Variants in FNBP1 observed in about 807,000 individuals in gnomAD.
FNBP1 encodes the protein formin-binding protein 1.
FNBP1 carries 26 observed loss-of-function variants against 90.6 expected under a neutral mutation model. The ratio of observed to expected loss-of-function variants is 0.29; its 90% confidence interval spans 0.21 to 0.40. FNBP1 has a LOEUF of 0.40. Ranked by LOEUF, FNBP1 falls within the 10% of genes least tolerant of loss-of-function variation. FNBP1 has a pLI of 1.00. For missense variants in FNBP1, 635 were observed against 768.0 expected (o/e 0.83, Z 2.05); for synonymous variants, 260 against 265.2 (o/e 0.98, Z 0.19).
intron 1 of FNBP1, among the ~76,000 whole-genome samples, chr9:130,001,896 T>A (rs2054903821): frequency 6.6e-6 from 1 of 151,674 alleles, no homozygotes; most frequent in South Asian, 2.1e-4. Context: ...GGCATGATGG[T>A]GGGCGCCTGT....
At chr9:129,925,718 C>T (rs1327359826) in intron 8 of FNBP1, among the ~76,000 whole-genome samples, 2 of 147,470 alleles carry the variant, frequency 1.4e-5, no homozygotes, top group South Asian at 2.3e-4. Context: ...CTCAGCCTCC[C>T]GAGTAGCTGG....
intron 6 of FNBP1, among the ~76,000 whole-genome samples, chr9:129,943,266 C>A (rs1298036738): frequency 1.3e-5 from 2 of 152,102 alleles, no homozygotes; most frequent in African/African-American, 2.4e-5. Flanking sequence ...CTGCTGAGCT[C>A]CTAGTGTTTT....
intron 6 of FNBP1, among the ~76,000 whole-genome samples, chr9:129,948,794 G>A (rs2045741317): frequency 6.6e-6 from 1 of 152,112 alleles, no homozygotes; most frequent in African/African-American, 2.4e-5. Context: ...GCCAGCCTCA[G>A]CCTCTCAAAG....
chr9:129,957,833 G>A lies in FNBP1; in HGVS notation c.409-369C>T, dbSNP rs937610207. Among the ~76,000 whole-genome samples the A allele has an allele frequency of 3.3e-5, 5 of 152,304 alleles. No individual in the cohort carries two copies. The highest frequency in any genetic ancestry group is 3.9e-4 in the East Asian group (2 of 5,180). On this transcript the variant is annotated intron_variant, in intron 5 of 16. Coordinates refer to ENST00000446176, the MANE Select transcript of FNBP1 (RefSeq NM_015033.3). This position sits in a 1 kb window ranked among gnomAD's most constrained non-coding sequence, Gnocchi z 4.3. ...CTCCCAAATTGCTGGGATTACAGGCGTGAGCCAATGTGTCTGGCCCAAGAA... is the reference window on the plus strand; with the variant it reads ...CTCCCAAATTGCTGGGATTACAGGCATGAGCCAATGTGTCTGGCCCAAGAA...
chr9:129,958,674 A>G (rs2047312813), intron 4 of FNBP1, 121 bp from the exon 5 acceptor site: 2 of 753,964 alleles, frequency 2.7e-6, no homozygotes, highest in East Asian at 2.9e-5. Flanking sequence ...GTATGCTCCA[A>G]AGAAATTTAA....
intron 7 of FNBP1, among the ~76,000 whole-genome samples, chr9:129,928,012 TA>T (rs1300216317): frequency 6.6e-6 from 1 of 150,586 alleles, no homozygotes; most frequent in Non-Finnish European, 1.5e-5. Context: ...AAAAGCACAG[TA>T]TTTAATTAAC....
At chr9:130,024,174 C>T (rs1589331942) in intron 1 of FNBP1, among the ~76,000 whole-genome samples, 1 of 152,228 alleles carries the variant, frequency 6.6e-6, no homozygotes, top group East Asian at 1.9e-4. Context: ...CTTTGGGAGG[C>T]TGAGGCAGGA....
At chr9:129,967,822 G>A (rs1380399068) in intron 4 of FNBP1, among the ~76,000 whole-genome samples, 1 of 152,150 alleles carries the variant, frequency 6.6e-6, no homozygotes, top group Non-Finnish European at 1.5e-5. Context: ...AAGAATTTGA[G>A]TGTCCTGTTT....
intron 10 of FNBP1, among the ~76,000 whole-genome samples, chr9:129,921,268 AC>A (rs2041040061): frequency 1.3e-5 from 2 of 149,448 alleles, no homozygotes; most frequent in South Asian, 4.2e-4. Context: ...TACATTCTTT[AC>A]TTTTTTTTTT....
chr9:129,903,897 C>T (rs140587882), intron 12 of FNBP1, among the ~76,000 whole-genome samples: 8 of 152,164 alleles, frequency 5.3e-5, no homozygotes, highest in African/African-American at 1.9e-4. Context: ...ATTAGCCAGG[C>T]GTGATGGCAT....
At chr9:130,044,189 G>T (rs938489824), upstream of FNBP1, among the ~76,000 whole-genome samples, 4 of 152,164 alleles carry the variant, frequency 2.6e-5, no homozygotes, top group Admixed American at 2.6e-4. Flanking sequence ...TTTCTCCCTC[G>T]GTTAATGCTA....
At chr9:129,978,176 A>C (rs1038501944) in intron 4 of FNBP1, among the ~76,000 whole-genome samples, 5 of 151,928 alleles carry the variant, frequency 3.3e-5, no homozygotes, top group Admixed American at 6.6e-5. Flanking sequence ...ACATGCCACC[A>C]CGCCTGGCTA....
the FNBP1 span, chr9:130,053,743 C>G: frequency 8.3e-6 from 5 of 601,652 alleles, no homozygotes; most frequent in African/African-American, 7.6e-5. Context: ...ACAGGAGCGG[C>G]CGATCGAAGG....
At position 129,908,870 on chromosome 9, in the gene FNBP1, G is replaced by T; in HGVS notation, c.1295+20C>A. The T allele has an allele frequency of 6.6e-7, 1 of 1,514,906 alleles. No homozygotes were observed. Among genetic ancestry groups the T allele is most frequent in the Non-Finnish European group, 9.1e-7 (1 of 1,094,606 alleles). The allele number at this position is 1,514,906 out of a possible 1,614,324, so 93.8% of individuals were successfully genotyped here. A position where few individuals can be genotyped will look rare whatever the true frequency, so the allele number is the denominator to read the frequency against. ...CGCCTGGCCTTGAATTTCTTAATAA[G>T]TCATATTGATGCACTATACCTTTGA... On this transcript the variant is annotated intron_variant, in intron 12 of 16. Transcript: ENST00000446176.
intron 6 of FNBP1, among the ~76,000 whole-genome samples, chr9:129,941,252 G>A (rs1270627480): frequency 6.6e-6 from 1 of 152,126 alleles, no homozygotes; most frequent in African/African-American, 2.4e-5. Context: ...AGCCGTGCAT[G>A]GTGGCCCACG....
intron 6 of FNBP1, among the ~76,000 whole-genome samples, chr9:129,935,692 T>C (rs566325612): frequency 6.6e-6 from 1 of 152,246 alleles, no homozygotes; most frequent in East Asian, 1.9e-4. Flanking sequence ...TTTCACCTTG[T>C]TAGCCAGGAT....
At chr9:130,040,626 GAAA>G (rs3055737) in intron 1 of FNBP1, among the ~76,000 whole-genome samples, 1 of 139,200 alleles carries the variant, frequency 7.2e-6, no homozygotes, top group African/African-American at 2.7e-5. Flanking sequence ...CTCCGTCTCA[GAAA>G]AAAAAAAAAA....
At chr9:129,922,546 T>C (rs2041265362) in intron 10 of FNBP1, among the ~76,000 whole-genome samples, 1 of 152,170 alleles carries the variant, frequency 6.6e-6, no homozygotes, top group Non-Finnish European at 1.5e-5. Context: ...CTTCATAGGG[T>C]GGCTGGAAAA....
At chr9:129,905,896 T>G (rs975958405) in intron 12 of FNBP1, among the ~76,000 whole-genome samples, 12 of 151,986 alleles carry the variant, frequency 7.9e-5, no homozygotes, top group African/African-American at 2.7e-4. Flanking sequence ...TTTTTGTTTT[T>G]TTTTGAGACT....
Sources: allele counts gnomAD v4.1 joint callset (sites outside exome capture counted in the v4.1 genomes callset), GRCh38; gene constraint gnomAD v4.1.1; non-coding constraint Gnocchi (gnomAD v3.1); transcripts MANE v1.5; gene names NCBI Gene and HGNC (gene_info 2026-07-23, HGNC 2026-07-21).